The following STMND1 variants were observed in gnomAD, a reference collection of about 807,000 sequenced individuals.
The protein encoded by STMND1 is stathmin domain-containing protein 1.
STMND1 carries 17 observed loss-of-function variants against 23.0 expected under a neutral mutation model. The ratio of observed to expected loss-of-function variants is 0.74; its 90% CI spans 0.51 to 1.11. The LOEUF is 1.11. STMND1 is among the 50% of genes least tolerant of loss of function. The pLI is 0.00. For missense variants in STMND1, 305 were observed against 329.1 expected, an observed-to-expected ratio of 0.93 and a Z score of 0.57; for synonymous variants, 114 against 119.9, an observed-to-expected ratio of 0.95 and a Z score of 0.32.
At chr6:17,129,560 G>T (rs953837006) in intron 4 of STMND1, among the ~76,000 whole-genome samples, 2 of 145,026 alleles carry the variant, frequency 1.4e-5, no homozygotes, top group Non-Finnish European at 3.0e-5. Context: ...AAAAAAAATT[G>T]TTGGCCAGGC....
intron 1 of STMND1, among the ~76,000 whole-genome samples, 189 bp downstream of exon 1, chr6:17,102,527 C>G (rs1473745): frequency 0.53 from 80,049 of 151,968 alleles, 22,633 homozygotes; most frequent in African/African-American, 0.75. Flanking sequence ...TAGACGGATG[C>G]ATAAATATCA....
chr6:17,102,416 TG>T, intron 1 of STMND1, 78 bp downstream of exon 1: 1 of 1,507,510 alleles, frequency 6.6e-7, no homozygotes, highest in South Asian at 1.2e-5. Context: ...TTCCCACGCT[TG>T]GGGGCGACAA....
chr6:17,117,472 G>A (rs1761176063), intron 2 of STMND1, among the ~76,000 whole-genome samples: 1 of 152,010 alleles, frequency 6.6e-6, no homozygotes, highest in Non-Finnish European at 1.5e-5. Context: ...TCTGATTCAG[G>A]ATCTGTCTAA....
chr6:17,112,250 A>G (rs1761105118), intron 1 of STMND1, among the ~76,000 whole-genome samples: 1 of 152,124 alleles, frequency 6.6e-6, no homozygotes. Flanking sequence ...TTCACTTAGC[A>G]TAATATTTCC....
At chr6:17,107,435 T>C (rs989359461) in intron 1 of STMND1, among the ~76,000 whole-genome samples, 3 of 152,128 alleles carry the variant, frequency 2.0e-5, no homozygotes, top group African/African-American at 7.2e-5. Flanking sequence ...CCCAAGACAC[T>C]GAGGTATAAA....
chr6:17,108,765 C>T (rs1232730462), intron 1 of STMND1, among the ~76,000 whole-genome samples: 3 of 145,318 alleles, frequency 2.1e-5, no homozygotes, highest in Non-Finnish European at 4.5e-5. Context: ...GGTGTAATCT[C>T]GGCTCACTGC....
At position 17,128,577 on chromosome 6, in the gene STMND1, G is replaced by A. The variant is rs1327138455; in HGVS notation, c.412-535G>A. ...GTCTGAGAACACCTGCATTCATAGGGCCTTTTTGTAATAGCCTGGTGCTTT... is the reference window on the plus strand; with the variant it reads ...GTCTGAGAACACCTGCATTCATAGGACCTTTTTGTAATAGCCTGGTGCTTT... On this transcript the variant is annotated intron_variant, in intron 3 of 4. Coordinates refer to ENST00000536551, the MANE Select transcript of STMND1 (RefSeq NM_001190766.2). The A allele has an allele frequency of 3.9e-5, 6 of 151,994 alleles. No homozygotes were observed. In the East Asian group the frequency reaches 1.2e-3, roughly 29 times the overall value. The allele number at this position is 151,994 out of a possible 1,614,324, so 9.4% of individuals were successfully genotyped here.
rs1056159874 is a variant in STMND1, at chr6:17,102,308, G to A, written c.51G>A (p.Ala17=). The change falls in exon 1 of 5, where the codon GCG becomes GCA. Residue 17 remains alanine, a synonymous_variant. Transcript: ENST00000536551. Reference sequence around the variant, plus strand: ...CTGAAGACCGGAGACGTGTACGCGCGCCCAAGAAGGGCTGGAAAGAGGAAT... The same window carrying A: ...CTGAAGACCGGAGACGTGTACGCGCACCCAAGAAGGGCTGGAAAGAGGAAT... ...QPAEDRRRVR[A]PKKGWKEEFK... is the part of the protein sequence containing the mutation. 2.0e-6 allele frequency: 3 copies of A among 1,536,026 alleles called. No homozygotes were observed. The highest frequency in any genetic ancestry group is 2.4e-5 in the East Asian group (1 of 40,890).
At chr6:17,102,418 G>A (rs1760955029) in intron 1 of STMND1, 80 bp downstream of exon 1, 1 of 1,502,664 alleles carries the variant, frequency 6.7e-7, no homozygotes, top group Non-Finnish European at 8.9e-7. Context: ...CCCACGCTTG[G>A]GGGCGACAAG....
chr6:17,115,757 A>T (rs1334788634), intron 2 of STMND1, among the ~76,000 whole-genome samples: 1 of 152,220 alleles, frequency 6.6e-6, no homozygotes, highest in Non-Finnish European at 1.5e-5. Flanking sequence ...TGAACTTCAC[A>T]GCCCTCAAGG....
At chr6:17,120,111 T>C (rs1432935062) in intron 2 of STMND1, among the ~76,000 whole-genome samples, 2 of 152,240 alleles carry the variant, frequency 1.3e-5, no homozygotes, top group East Asian at 3.8e-4. Context: ...TACTTTTACT[T>C]ATGTAGACTT....
intron 3 of STMND1, among the ~76,000 whole-genome samples, chr6:17,127,662 CTTTGA>C (rs1408807149): frequency 6.6e-6 from 1 of 152,164 alleles, no homozygotes; most frequent in Non-Finnish European, 1.5e-5. Context: ...AACTGCCTCT[CTTTGA>C]TTTATTTTCT....
chr6:17,102,429 A>G (rs1288518890), intron 1 of STMND1, 91 bp downstream of exon 1: 1 of 1,470,552 alleles, frequency 6.8e-7, no homozygotes, highest in Non-Finnish European at 9.1e-7. Context: ...GGGCGACAAG[A>G]GTTGGCTGGA....
At chr6:17,109,603 T>C (rs1378348760) in intron 1 of STMND1, among the ~76,000 whole-genome samples, 1 of 152,218 alleles carries the variant, frequency 6.6e-6, no homozygotes, top group Non-Finnish European at 1.5e-5. Flanking sequence ...AAAGAAAATG[T>C]TTCCTGCCTA....
chr6:17,126,065 TATATA>T (rs1197095682), intron 3 of STMND1, among the ~76,000 whole-genome samples: 52 of 27,668 alleles, frequency 1.9e-3, no homozygotes, highest in South Asian at 2.3e-3. Context: ...TATATATATA[TATATA>T]TTTTTTTTTT....
chr6:17,121,768 T>G (rs1761235822), intron 3 of STMND1, among the ~76,000 whole-genome samples: 1 of 152,254 alleles, frequency 6.6e-6, no homozygotes, highest in Non-Finnish European at 1.5e-5. Flanking sequence ...TTTTCTTTGT[T>G]AATTTATCCT....
At chr6:17,109,524 T>G (rs1220488651) in intron 1 of STMND1, among the ~76,000 whole-genome samples, 3 of 152,202 alleles carry the variant, frequency 2.0e-5, no homozygotes, top group African/African-American at 7.2e-5. Context: ...TTTTTTAAAT[T>G]TGTATGACTT....
chr6:17,127,481 C>T (rs6933013), intron 3 of STMND1, among the ~76,000 whole-genome samples: 86,568 of 151,904 alleles, frequency 0.57, 24,619 homozygotes, highest in East Asian at 0.72. Context: ...ACCCGGGAGG[C>T]GGAGGTTGCA....
intron 3 of STMND1, among the ~76,000 whole-genome samples, chr6:17,123,490 T>G (rs1761258843): frequency 6.6e-6 from 1 of 152,278 alleles, no homozygotes; most frequent in Non-Finnish European, 1.5e-5. Context: ...GCCGGTACAT[T>G]GGAGTCACCT....
Sources: gnomAD v4.1 joint callset for allele counts (sites outside exome capture counted in the v4.1 genomes callset) on GRCh38, gnomAD v4.1.1 for gene constraint, MANE v1.5 for transcripts, NCBI Gene and HGNC (gene_info 2026-07-23, HGNC 2026-07-21) for gene names.